The following ITPR1 variants were observed in gnomAD, a reference collection of about 807,000 sequenced individuals.
The protein encoded by ITPR1 is inositol 1,4,5-trisphosphate receptor type 1.
A neutral mutation model predicts 318.4 loss-of-function variants in ITPR1; 96 were observed. That is an observed-to-expected ratio of 0.30 (90% CI 0.26 to 0.36). The LOEUF (loss-of-function observed/expected upper bound fraction) is 0.36, where lower values mean the gene tolerates loss of function less well. ITPR1 is among the 10% of genes least tolerant of loss of function. The pLI is 1.00. For synonymous variants in ITPR1, 1,312 were observed against 1,289.9 expected (o/e 1.02, Z -0.37); for missense variants, 2,440 against 3,460.2 (o/e 0.71, Z 7.40).
At chr3:4,663,260 T>C (rs2093875782) in intron 16 of ITPR1, 54 bp downstream of exon 16, 2 of 1,535,786 alleles carry the variant, frequency 1.3e-6, no homozygotes, top group Admixed American at 1.8e-5. Context: ...TCATAAAGCA[T>C]GAGTGGTAGC....
intron 44 of ITPR1, among the ~76,000 whole-genome samples, chr3:4,757,253 C>T (rs150127540): frequency 2.0e-5 from 3 of 152,300 alleles, no homozygotes; most frequent in African/African-American, 4.8e-5. Flanking sequence ...ACTCCAGACC[C>T]ACAGCAGTCA....
intron 4 of ITPR1, among the ~76,000 whole-genome samples, chr3:4,548,368 G>A (rs182934885): frequency 3.9e-5 from 6 of 152,314 alleles, no homozygotes; most frequent in East Asian, 3.9e-4. Context: ...AAAGTGAAAA[G>A]GGGTGTGCGT....
chr3:4,657,027 A>C (rs76655385), intron 12 of ITPR1, among the ~76,000 whole-genome samples: 11,946 of 152,106 alleles, frequency 0.079, 939 homozygotes, highest in African/African-American at 0.2. Context: ...AGTTTTCATC[A>C]TTGTTCCTCA....
intron 2 of ITPR1, among the ~76,000 whole-genome samples, chr3:4,510,228 A>G (rs1480230052): frequency 2.0e-5 from 3 of 152,030 alleles, no homozygotes; most frequent in Non-Finnish European, 4.4e-5. Context: ...GGGGCCCTGG[A>G]AAAAAAATCA....
chr3:4,572,404 T>C (rs1410637115), intron 4 of ITPR1, among the ~76,000 whole-genome samples: 1 of 152,144 alleles, frequency 6.6e-6, no homozygotes, highest in Non-Finnish European at 1.5e-5. Flanking sequence ...TTTAAAATTA[T>C]ATGCATATAT....
chr3:4,820,686 GT>G, intron 60 of ITPR1, among the ~76,000 whole-genome samples: 1 of 152,236 alleles, frequency 6.6e-6, no homozygotes, highest in Non-Finnish European at 1.5e-5. Context: ...TTCTCTGAAT[GT>G]TAAAGTTGTT....
chr3:4,534,571 T>G (rs960472280), intron 4 of ITPR1, among the ~76,000 whole-genome samples: 3 of 152,224 alleles, frequency 2.0e-5, no homozygotes, highest in Non-Finnish European at 4.4e-5. Flanking sequence ...AAACTCCAAC[T>G]TGAGCAGTTG....
intron 4 of ITPR1, among the ~76,000 whole-genome samples, chr3:4,576,532 G>C (rs1309338610): frequency 6.6e-6 from 1 of 152,144 alleles, no homozygotes; most frequent in African/African-American, 2.4e-5. Context: ...AAAAAGGATA[G>C]CATTCAGTGA....
At chr3:4,747,399 T>A (rs1406657275) in intron 44 of ITPR1, among the ~76,000 whole-genome samples, 1 of 152,218 alleles carries the variant, frequency 6.6e-6, no homozygotes, top group African/African-American at 2.4e-5. Context: ...AACGTGAGTT[T>A]GTAACCTCTC....
intron 4 of ITPR1, among the ~76,000 whole-genome samples, chr3:4,594,717 A>G (rs1275447795): frequency 1.4e-5 from 2 of 142,250 alleles, no homozygotes; most frequent in African/African-American, 5.2e-5. Context: ...TCCCACCCCC[A>G]CCATGGCCGT....
intron 4 of ITPR1, among the ~76,000 whole-genome samples, chr3:4,591,943 A>G (rs1191543041): frequency 6.6e-6 from 1 of 152,196 alleles, no homozygotes; most frequent in African/African-American, 2.4e-5. Context: ...ACAGATTGAA[A>G]GGGCTTTTCA....
At chr3:4,841,241 A>G (rs1190136724) in intron 61 of ITPR1, among the ~76,000 whole-genome samples, 4 of 152,240 alleles carry the variant, frequency 2.6e-5, no homozygotes, top group African/African-American at 9.6e-5. Flanking sequence ...GACTTGAGGC[A>G]TGAATAGTTT....
chr3:4,761,884 A>G (rs1428284531), intron 44 of ITPR1, among the ~76,000 whole-genome samples: 1 of 152,174 alleles, frequency 6.6e-6, no homozygotes, highest in Non-Finnish European at 1.5e-5. Context: ...AAAGAGGCTT[A>G]ATGAACAGGT....
chr3:4,565,725 C>A (rs1451459296), intron 4 of ITPR1, among the ~76,000 whole-genome samples: 4 of 152,130 alleles, frequency 2.6e-5, no homozygotes, highest in Non-Finnish European at 5.9e-5. Flanking sequence ...AATTGAACAG[C>A]TGACTCTATG....
At chr3:4,599,121 G>A (rs955877332) in intron 4 of ITPR1, among the ~76,000 whole-genome samples, 1 of 151,946 alleles carries the variant, frequency 6.6e-6, no homozygotes, top group South Asian at 2.1e-4. Flanking sequence ...TTTCCTATGG[G>A]TAAAATATTT....
intron 4 of ITPR1, 59 bp downstream of exon 4, chr3:4,521,153 T>A: frequency 1.7e-6 from 2 of 1,157,370 alleles, no homozygotes; most frequent in African/African-American, 1.5e-5. Context: ...TCTTGAAGTG[T>A]GTTGTTGGTG....
chr3:4,652,265 CA>C (rs779720395), intron 11 of ITPR1, 47 bp downstream of exon 11: 1 of 1,318,410 alleles, frequency 7.6e-7, no homozygotes, highest in South Asian at 1.2e-5. Context: ...TGACGCACCT[CA>C]CCGCCTTTCC....
chr3:4,519,619 G>A (rs1283760733), intron 3 of ITPR1, among the ~76,000 whole-genome samples: 1 of 152,162 alleles, frequency 6.6e-6, no homozygotes, highest in East Asian at 1.9e-4. Context: ...TATACTTACA[G>A]GAGCTTAAGG....
At chr3:4,511,517 G>A (rs1427351124) in intron 2 of ITPR1, among the ~76,000 whole-genome samples, 1 of 152,204 alleles carries the variant, frequency 6.6e-6, no homozygotes, top group African/African-American at 2.4e-5. Context: ...GAATGGTGGT[G>A]GGTGGCGGTC....
Sources: allele counts gnomAD v4.1 joint callset (sites outside exome capture counted in the v4.1 genomes callset), GRCh38; gene constraint gnomAD v4.1.1; transcripts MANE v1.5; gene names NCBI Gene and HGNC (gene_info 2026-07-23, HGNC 2026-07-21).